The following MYOF variants were observed in gnomAD, a reference collection of about 807,000 sequenced individuals.
MYOF encodes the protein fer-1-like 3, myoferlin.
A neutral mutation model predicts 284.2 loss-of-function variants in MYOF; 244 were observed. The ratio of observed to expected loss-of-function variants is 0.86; its 90% CI spans 0.77 to 0.95. MYOF has a LOEUF of 0.95. MYOF is among the 40% of genes least tolerant of loss of function. The pLI is 0.00. For synonymous variants in MYOF, 904 were observed against 919.7 expected, an observed-to-expected ratio of 0.98 and a Z score of 0.31; for missense variants, 2,496 against 2,560.6, an observed-to-expected ratio of 0.97 and a Z score of 0.54.
chr10:93,409,746 T>C lies in MYOF; in HGVS notation c.434-7A>G, dbSNP rs764201171. 2 of 1,613,956 alleles carry C rather than the reference T, an allele frequency of 1.2e-6. No individual in the cohort carries two copies. Among genetic ancestry groups the C allele is most frequent in the African/African-American group, 1.3e-5 (1 of 75,018 alleles). On this transcript the variant is annotated splice_region_variant and splice_polypyrimidine_tract_variant and intron_variant, in intron 5 of 53. Coordinates refer to ENST00000359263, the MANE Select transcript of MYOF (RefSeq NM_013451.4). Reference sequence around the variant, plus strand: ...TCATCTTCTTCCCCATCTCCTAAAATATCAGAAAGAAACCCAGTGAGGGAT... The same window carrying C: ...TCATCTTCTTCCCCATCTCCTAAAACATCAGAAAGAAACCCAGTGAGGGAT...
chr10:93,358,499 C>A (rs1844915857), intron 29 of MYOF, among the ~76,000 whole-genome samples: 1 of 152,220 alleles, frequency 6.6e-6, no homozygotes, highest in African/African-American at 2.4e-5. Context: ...TACATGCATG[C>A]ATATTTTCAT....
At position 93,445,020 on chromosome 10, in the gene MYOF, A is replaced by G. The variant is rs1378193869; in HGVS notation, c.236+7030T>C. Among the ~76,000 whole-genome samples, 6 of 152,334 alleles carry G rather than the reference A, an allele frequency of 3.9e-5. No individual in the cohort carries two copies. The East Asian group carries it at 1.2e-3, about 29-fold the overall frequency. On this transcript the variant is annotated intron_variant, in intron 3 of 53. Transcript: ENST00000359263. ...TAAGTGACTTCCTACTCAACAGTAT[A>G]AAAATGCTTAAAATTTTTACCTAGG...
At position 93,306,932 on chromosome 10, in the gene MYOF, G is replaced by T; in HGVS notation, c.*31C>A. 2 of 1,605,208 alleles carry T rather than the reference G, an allele frequency of 1.2e-6. No homozygotes were observed. Among genetic ancestry groups the T allele is most frequent in the South Asian group, 2.2e-5 (2 of 90,672 alleles). ...CAGAGGCAGGATTCTCTCATTGCTG[G>T]ATGACTCTTGAAATGAAGCCTTTGC... is the stretch of plus-strand genomic sequence containing the variant. On this transcript the variant is annotated 3_prime_UTR_variant, in exon 54 of 54. Coordinates refer to ENST00000359263, the MANE Select transcript of MYOF (RefSeq NM_013451.4).
chr10:93,455,606 A>T (rs1402746982), intron 2 of MYOF, among the ~76,000 whole-genome samples: 1 of 152,166 alleles, frequency 6.6e-6, no homozygotes, highest in African/African-American at 2.4e-5. Context: ...TCAAGGCAGT[A>T]TTGAATCTTA....
chr10:93,365,947 G>A (rs538239597), intron 26 of MYOF, among the ~76,000 whole-genome samples: 13 of 152,258 alleles, frequency 8.5e-5, no homozygotes, highest in African/African-American at 3.1e-4. Flanking sequence ...TGAAAAAGTC[G>A]AGCAAATATC....
chr10:93,432,068 A>C (rs1848897539), intron 3 of MYOF, among the ~76,000 whole-genome samples: 1 of 152,010 alleles, frequency 6.6e-6, no homozygotes, highest in African/African-American at 2.4e-5. Flanking sequence ...ACAGTCATGA[A>C]TGAGATAGAG....
chr10:93,455,961 A>T (rs570226234), intron 2 of MYOF, among the ~76,000 whole-genome samples: 11 of 152,250 alleles, frequency 7.2e-5, no homozygotes, highest in African/African-American at 2.4e-4. Flanking sequence ...GAAGAATTAA[A>T]TTTTTTCACT....
At chr10:93,332,709 T>A (rs996460548) in intron 43 of MYOF, among the ~76,000 whole-genome samples, 5 of 151,682 alleles carry the variant, frequency 3.3e-5, no homozygotes, top group Admixed American at 6.6e-5. Context: ...TAGCCGGGCG[T>A]GGTGGCAGTT....
chr10:93,452,520 A>T (rs2056620497), intron 2 of MYOF, among the ~76,000 whole-genome samples: 1 of 133,736 alleles, frequency 7.5e-6, no homozygotes, highest in African/African-American at 2.8e-5. Context: ...ACACTTGGAC[A>T]CAGGATGGGG....
intron 4 of MYOF, among the ~76,000 whole-genome samples, chr10:93,427,579 T>G (rs1480599910): frequency 6.7e-6 from 1 of 149,190 alleles, no homozygotes; most frequent in Non-Finnish European, 1.5e-5. Flanking sequence ...GTATATAAAG[T>G]TGTGATTCAT....
At chr10:93,397,691 A>G (rs1255384002) in intron 13 of MYOF, among the ~76,000 whole-genome samples, 2 of 151,742 alleles carry the variant, frequency 1.3e-5, no homozygotes, top group Non-Finnish European at 2.9e-5. Flanking sequence ...TTCAATTGTC[A>G]GGCTTCTAAC....
At chr10:93,406,536 G>T (rs1001760071) in intron 7 of MYOF, among the ~76,000 whole-genome samples, 1 of 120,550 alleles carries the variant, frequency 8.3e-6, no homozygotes, top group Non-Finnish European at 1.8e-5. Context: ...TACGCGTTAG[G>T]CCCAAGTAAT....
chr10:93,313,319 C>T, intron 50 of MYOF, 109 bp from the exon 51 acceptor site: 7 of 1,073,074 alleles, frequency 6.5e-6, no homozygotes, highest in Non-Finnish European at 9.3e-6. Flanking sequence ...TGATTTTGAA[C>T]AGGTAAATGG....
At chr10:93,307,033 AC>A (rs777814204) in intron 53 of MYOF, 32 bp from the exon 54 acceptor site, 2 of 1,582,080 alleles carry the variant, frequency 1.3e-6, no homozygotes, top group East Asian at 4.5e-5. Flanking sequence ...TGGTAAAAAA[AC>A]ATGTATGTAT....
In MYOF at chr10:93,351,658, G is replaced by A. The variant is rs370617609; in HGVS notation, c.3663+7C>T. ...CCAAGTTATCTTAGAAATTCTAAAC[G>A]ACCTACCACTTGGTCATTGTCAAAA... On this transcript the variant is annotated splice_region_variant and intron_variant, in intron 33 of 53. Coordinates refer to ENST00000359263, the MANE Select transcript of MYOF (RefSeq NM_013451.4). 6.8e-5 allele frequency: 108 copies of A among 1,588,598 alleles called. No individual in the cohort carries two copies. The highest frequency in any genetic ancestry group is 8.8e-5 in the Non-Finnish European group (103 of 1,168,478).
intron 1 of MYOF, among the ~76,000 whole-genome samples, chr10:93,466,478 A>G (rs2057011080): frequency 6.6e-6 from 1 of 152,152 alleles, no homozygotes; most frequent in Non-Finnish European, 1.5e-5. Flanking sequence ...ACATTTTCCA[A>G]GGGAGCTGCA....
chr10:93,401,378 A>G (rs1374209115), intron 12 of MYOF, 40 bp downstream of exon 12: 1 of 1,607,970 alleles, frequency 6.2e-7, no homozygotes, highest in South Asian at 1.1e-5. Flanking sequence ...CATCACACAC[A>G]TAATCAACAA....
intron 41 of MYOF, among the ~76,000 whole-genome samples, chr10:93,335,434 A>C (rs966326582): frequency 2.0e-5 from 3 of 152,162 alleles, no homozygotes; most frequent in Non-Finnish European, 2.9e-5. Context: ...ATTTGGTTGC[A>C]TGGAGGCTGG....
intron 32 of MYOF, among the ~76,000 whole-genome samples, chr10:93,353,504 A>C (rs747927487): frequency 1.3e-5 from 2 of 152,222 alleles, no homozygotes; most frequent in Non-Finnish European, 2.9e-5. Flanking sequence ...TCCAGGGATG[A>C]AAACACAGCC....
Sources: gnomAD v4.1 joint callset for allele counts (sites outside exome capture counted in the v4.1 genomes callset) on GRCh38, gnomAD v4.1.1 for gene constraint, MANE v1.5 for transcripts, NCBI Gene and HGNC (gene_info 2026-07-23, HGNC 2026-07-21) for gene names.